SRGAP1: variants seen among roughly 807,000 people sequenced by gnomAD.
SRGAP1 encodes SLIT-ROBO Rho GTPase activating protein 1.
In SRGAP1, 43 loss-of-function variants were observed where a neutral mutation model predicts 121.9. That is an observed-to-expected ratio of 0.35 (90% CI 0.28 to 0.46). The LOEUF (loss-of-function observed/expected upper bound fraction) is 0.46. Ranked by LOEUF, SRGAP1 falls within the 20% of genes least tolerant of loss-of-function variation. SRGAP1 has a pLI of 1.00. For missense variants in SRGAP1, 1,102 were observed against 1,350.9 expected, an observed-to-expected ratio of 0.82 and a Z score of 2.89; for synonymous variants, 447 against 485.4, an observed-to-expected ratio of 0.92 and a Z score of 1.04.
chr12:64,131,988 A>G (rs1459671038), intron 21 of SRGAP1, among the ~76,000 whole-genome samples: 1 of 152,204 alleles, frequency 6.6e-6, no homozygotes, highest in Admixed American at 6.5e-5. Context: ...CAGCCTGACC[A>G]ATATGGTGAA....
In SRGAP1 at chr12:64,162,190, A is replaced by G. The variant is rs1344958222; in HGVS notation, c.*19518A>G. The G allele has an allele frequency of 6.6e-6, 1 of 152,218 alleles. No individual in the cohort carries two copies. The highest frequency in any genetic ancestry group is 2.4e-5 in the African/African-American group (1 of 41,458). 9.4% of individuals were successfully genotyped at this position (152,218 alleles called of 1,614,324 possible). A position where few individuals can be genotyped will look rare whatever the true frequency, so the allele number is the denominator to read the frequency against. On this transcript the variant is annotated 3_prime_UTR_variant, in exon 22 of 22. Transcript: ENST00000355086. ...AATATACTAAAAACCACTGAATTGT[A>G]TCCAATAAAGTACTAAATTGTATGA...
intron 15 of SRGAP1, among the ~76,000 whole-genome samples, chr12:64,103,861 A>G (rs1208060345): frequency 6.6e-6 from 1 of 152,216 alleles, no homozygotes; most frequent in Non-Finnish European, 1.5e-5. Context: ...CTGTTAAACA[A>G]TTATATACAA....
chr12:63,936,152 G>A (rs536740510), intron 1 of SRGAP1, among the ~76,000 whole-genome samples: 6 of 152,162 alleles, frequency 3.9e-5, no homozygotes, highest in Admixed American at 6.5e-5. Flanking sequence ...TGTGCAGGAC[G>A]TACCAAATGA....
intron 19 of SRGAP1, 128 bp from the exon 20 acceptor site, chr12:64,127,462 G>A (rs1001205972): frequency 3.6e-6 from 3 of 844,540 alleles, no homozygotes; most frequent in Middle Eastern, 3.7e-4. Flanking sequence ...ATAAAAGAAG[G>A]GCTTTCATGC....
chr12:64,054,882 C>A (rs1237161633), intron 6 of SRGAP1, among the ~76,000 whole-genome samples: 2 of 105,038 alleles, frequency 1.9e-5, no homozygotes, highest in Non-Finnish European at 3.7e-5. Flanking sequence ...TGCTATCCCT[C>A]CCCCCTCCCC....
At chr12:63,889,139 T>C (rs1483420586) in intron 1 of SRGAP1, among the ~76,000 whole-genome samples, 1 of 152,096 alleles carries the variant, frequency 6.6e-6, no homozygotes, top group Non-Finnish European at 1.5e-5. Context: ...ATGGGGACAA[T>C]ATCTATCTGC....
intron 4 of SRGAP1, among the ~76,000 whole-genome samples, chr12:64,032,098 G>A (rs2034794207): frequency 6.6e-6 from 1 of 152,170 alleles, no homozygotes; most frequent in African/African-American, 2.4e-5. Context: ...GAAAATTTAG[G>A]CTCACAGACA....
intron 1 of SRGAP1, among the ~76,000 whole-genome samples, chr12:63,884,866 C>T (rs1435330978): frequency 1.3e-5 from 2 of 151,734 alleles, no homozygotes; most frequent in South Asian, 2.1e-4. Context: ...ACTACAGGCG[C>T]CCGCCACCAC....
At chr12:64,009,620 T>C (rs1019039870) in intron 3 of SRGAP1, among the ~76,000 whole-genome samples, 1 of 152,156 alleles carries the variant, frequency 6.6e-6, no homozygotes, top group Non-Finnish European at 1.5e-5. Flanking sequence ...ATTACATCAG[T>C]AATTGTAAGA....
At chr12:64,031,166 A>G (rs1396342188) in intron 4 of SRGAP1, among the ~76,000 whole-genome samples, 1 of 151,792 alleles carries the variant, frequency 6.6e-6, no homozygotes, top group Non-Finnish European at 1.5e-5. Context: ...AAAAATACAA[A>G]AGTTAGCCGG....
chr12:63,855,270 G>A (rs1001489781), intron 1 of SRGAP1, among the ~76,000 whole-genome samples: 4 of 151,998 alleles, frequency 2.6e-5, no homozygotes, highest in African/African-American at 4.8e-5. Context: ...ACATGTCCAC[G>A]GTTTTCAAAC....
intron 3 of SRGAP1, among the ~76,000 whole-genome samples, chr12:64,008,992 G>A (rs571346976): frequency 2.6e-5 from 4 of 152,030 alleles, no homozygotes; most frequent in East Asian, 1.9e-4. Context: ...ACCAGGGAAC[G>A]GTATAGCTTT....
chr12:64,014,855 C>T (rs1258587441), intron 3 of SRGAP1, among the ~76,000 whole-genome samples: 1 of 152,128 alleles, frequency 6.6e-6, no homozygotes, highest in East Asian at 1.9e-4. Context: ...CTCACTCTGT[C>T]ACCCAGGCTG....
At position 63,949,229 on chromosome 12, in the gene SRGAP1, T is replaced by TATATAC. The variant is rs201137876; in HGVS notation, c.68-34717_68-34716insTATACA. Among the ~76,000 whole-genome samples the TATATAC allele has an allele frequency of 3.3e-4, 48 of 145,370 alleles. 1 individual carries two copies. Among genetic ancestry groups the TATATAC allele is most frequent in the African/African-American group, 1.1e-3 (44 of 40,266 alleles). On this transcript the variant is annotated intron_variant, in intron 1 of 21. Transcript: ENST00000355086. ...TATATATTTTTTCCATATATATATA[T>TATATAC]ACCAAATAAGAGAATATATCTCTGG...
At chr12:63,852,800 A>G (rs566819937) in intron 1 of SRGAP1, among the ~76,000 whole-genome samples, 1 of 152,268 alleles carries the variant, frequency 6.6e-6, no homozygotes, top group East Asian at 1.9e-4. Context: ...GTAGGAATGA[A>G]AATTCCACTT....
intron 1 of SRGAP1, among the ~76,000 whole-genome samples, chr12:63,925,586 A>G (rs567584368): frequency 1.4e-3 from 207 of 152,324 alleles, no homozygotes; most frequent in Non-Finnish European, 2.5e-3. Context: ...GAGAATTTGC[A>G]TATGTTACTT....
chr12:63,935,071 T>C (rs759929890), intron 1 of SRGAP1, among the ~76,000 whole-genome samples: 10 of 152,338 alleles, frequency 6.6e-5, no homozygotes, highest in Non-Finnish European at 2.9e-5. Flanking sequence ...TCCACCAGCC[T>C]GTGAACATCG....
intron 6 of SRGAP1, among the ~76,000 whole-genome samples, chr12:64,044,352 A>G (rs562411568): frequency 4.1e-4 from 62 of 152,332 alleles, no homozygotes; most frequent in Middle Eastern, 3.4e-3. Flanking sequence ...CACTGCCTGC[A>G]AATAAAAGAT....
chr12:64,043,352 A>G (rs1016768388), intron 5 of SRGAP1, 95 bp from the exon 6 acceptor site: 1 of 1,237,064 alleles, frequency 8.1e-7, no homozygotes, highest in Admixed American at 2.6e-5. Flanking sequence ...TGTGGAATAA[A>G]TTGTTAAGGT....
Sources: gnomAD v4.1 joint callset for allele counts (sites outside exome capture counted in the v4.1 genomes callset) on GRCh38, gnomAD v4.1.1 for gene constraint, MANE v1.5 for transcripts, NCBI Gene and HGNC (gene_info 2026-07-23, HGNC 2026-07-21) for gene names.